PHKB: variants seen among roughly 807,000 people sequenced by gnomAD.
PHKB encodes phosphorylase kinase regulatory subunit beta, also known as phosphorylase b kinase regulatory subunit beta.
A neutral mutation model predicts 152.1 loss-of-function variants in PHKB; 122 were observed. That is an observed-to-expected ratio of 0.80 (90% confidence interval 0.69 to 0.93). The LOEUF (loss-of-function observed/expected upper bound fraction) is 0.93, where lower values mean the gene tolerates loss of function less well. Among genes scored for constraint, PHKB ranks in the 40% least tolerant of loss-of-function variants. The pLI is 0.00. For missense variants in PHKB, 1,304 were observed against 1,328.4 expected (o/e 0.98, Z 0.29); for synonymous variants, 436 against 464.9 (o/e 0.94, Z 0.80).
At chr16:47,682,986 A>G (rs1312523354) in intron 26 of PHKB, among the ~76,000 whole-genome samples, 2 of 152,254 alleles carry the variant, frequency 1.3e-5, no homozygotes, top group Non-Finnish European at 2.9e-5. Flanking sequence ...TCTAACAGAC[A>G]GGACCCTCAG....
At chr16:47,689,326 C>A in intron 27 of PHKB, 151 bp downstream of exon 27, 2 of 717,932 alleles carry the variant, frequency 2.8e-6, no homozygotes, top group Non-Finnish European at 4.9e-6. Flanking sequence ...AAAGTGTAAA[C>A]AGAAAGACCA....
At chr16:47,499,730 A>G in intron 2 of PHKB, 26 bp from the exon 3 acceptor site, 4 of 1,613,984 alleles carry the variant, frequency 2.5e-6, no homozygotes, top group Non-Finnish European at 3.4e-6. Flanking sequence ...TGTACAGTTC[A>G]TTCTTTGTCT....
At chr16:47,653,901 G>A (rs1973284315) in intron 20 of PHKB, among the ~76,000 whole-genome samples, 4 of 152,102 alleles carry the variant, frequency 2.6e-5, no homozygotes, top group Admixed American at 1.3e-4. Context: ...ATATGGTTAA[G>A]GACAAAAATC....
intron 14 of PHKB, among the ~76,000 whole-genome samples, chr16:47,635,954 A>G (rs963593453): frequency 2.0e-5 from 3 of 152,254 alleles, no homozygotes; most frequent in Non-Finnish European, 4.4e-5. Flanking sequence ...TGCTATAGAA[A>G]TGCAAAGAAA....
intron 18 of PHKB, among the ~76,000 whole-genome samples, 162 bp from the exon 19 acceptor site, chr16:47,650,382 C>G (rs1973214022): frequency 6.6e-6 from 1 of 152,164 alleles, no homozygotes; most frequent in African/African-American, 2.4e-5. Flanking sequence ...CCCAGAGAAC[C>G]TGCTAGAGTA....
chr16:47,682,355 T>G (rs549486655), intron 26 of PHKB, among the ~76,000 whole-genome samples: 1 of 152,306 alleles, frequency 6.6e-6, no homozygotes, highest in East Asian at 1.9e-4. Flanking sequence ...TCCCTCAGAG[T>G]GTTTTCCAAC....
intron 3 of PHKB, among the ~76,000 whole-genome samples, chr16:47,500,700 T>TA (rs76863473): frequency 8.5e-4 from 122 of 143,930 alleles, no homozygotes; most frequent in South Asian, 7.2e-3. Flanking sequence ...TGTATAAAGT[T>TA]AAAAAAAAAA....
chr16:47,519,002 A>G (rs1199194450), intron 6 of PHKB, among the ~76,000 whole-genome samples: 1 of 152,198 alleles, frequency 6.6e-6, no homozygotes, highest in Non-Finnish European at 1.5e-5. Flanking sequence ...TACCCCCTCA[A>G]ATTTGTATAA....
chr16:47,677,762 A>G (rs904619416), intron 26 of PHKB, among the ~76,000 whole-genome samples: 1 of 151,764 alleles, frequency 6.6e-6, no homozygotes, highest in African/African-American at 2.4e-5. Flanking sequence ...AATGCACAAA[A>G]TCATCTAATT....
chr16:47,499,865 T>C lies in PHKB; in HGVS notation c.276T>C (p.Ala92=). 6.2e-7 allele frequency: 1 copy of C among 1,614,162 alleles called. No homozygotes were observed. Among genetic ancestry groups the C allele is most frequent in the Non-Finnish European group, 8.5e-7 (1 of 1,180,024 alleles). ...TCCAGGACAGCCTATACTGCGCTGC[T>C]GGGGCCTGGGCTTTGGCTCTTGCAT... The part of the protein sequence containing the change: ...AKIQDSLYCA[A]GAWALALAYR... Residue 92 remains alanine, a synonymous_variant, in exon 3 of 31, where the codon GCT becomes GCC. Transcript: ENST00000323584.
At chr16:47,599,750 A>G (rs1427185058) in intron 13 of PHKB, among the ~76,000 whole-genome samples, 1 of 152,252 alleles carries the variant, frequency 6.6e-6, no homozygotes, top group Non-Finnish European at 1.5e-5. Context: ...ATGAAACCAC[A>G]TACATATCTC....
At chr16:47,526,633 G>GA (rs1008191418) in intron 6 of PHKB, among the ~76,000 whole-genome samples, 26 of 147,964 alleles carry the variant, frequency 1.8e-4, no homozygotes, top group East Asian at 1.6e-3. Flanking sequence ...AAAGCAAAAA[G>GA]AAAAAAAAAT....
At chr16:47,580,041 C>G (rs967025934) in intron 7 of PHKB, among the ~76,000 whole-genome samples, 1 of 152,052 alleles carries the variant, frequency 6.6e-6, no homozygotes, top group South Asian at 2.1e-4. Context: ...ATTAAAACTA[C>G]TCCCATCAAT....
intron 20 of PHKB, among the ~76,000 whole-genome samples, chr16:47,659,772 C>T (rs1973405160): frequency 6.6e-6 from 1 of 152,192 alleles, no homozygotes; most frequent in Non-Finnish European, 1.5e-5. Context: ...AAATACATTA[C>T]AGTAGCAGAA....
chr16:47,502,978 C>G lies in PHKB; in HGVS notation c.306-13C>G. On this transcript the variant is annotated splice_polypyrimidine_tract_variant and intron_variant, in intron 3 of 30. Transcript: ENST00000323584. ...ATTTCCAATTAGTTTCATGAGTTAT[C>G]TCTCTCACCCAGGCGAATTGATGAT... 6.4e-7 allele frequency: 1 copy of G among 1,570,280 alleles called. No homozygotes were observed. The highest frequency in any genetic ancestry group is 8.8e-7 in the Non-Finnish European group (1 of 1,140,132).
chr16:47,543,975 T>A (rs368280517), intron 6 of PHKB, among the ~76,000 whole-genome samples: 4 of 152,180 alleles, frequency 2.6e-5, no homozygotes, highest in African/African-American at 9.7e-5. Flanking sequence ...GATTCTTCTC[T>A]CTTTTCTTCT....
intron 10 of PHKB, among the ~76,000 whole-genome samples, chr16:47,592,217 C>T (rs1167274224): frequency 1.3e-5 from 2 of 152,228 alleles, no homozygotes; most frequent in Non-Finnish European, 2.9e-5. Context: ...CCCTACAACT[C>T]TCTTCGGTAT....
intron 20 of PHKB, among the ~76,000 whole-genome samples, chr16:47,659,988 C>T (rs922607654): frequency 5.9e-5 from 9 of 152,082 alleles, no homozygotes; most frequent in East Asian, 1.9e-4. Flanking sequence ...CTCAGCCTCC[C>T]GAGTAGCTGG....
chr16:47,559,704 G>A (rs564395952), intron 7 of PHKB, among the ~76,000 whole-genome samples: 1 of 152,254 alleles, frequency 6.6e-6, no homozygotes, highest in Non-Finnish European at 1.5e-5. Flanking sequence ...GGTGGGAGCT[G>A]TTTTCCTGTC....
Sources: gnomAD v4.1 joint callset for allele counts (sites outside exome capture counted in the v4.1 genomes callset) on GRCh38, gnomAD v4.1.1 for gene constraint, MANE v1.5 for transcripts, NCBI Gene and HGNC (gene_info 2026-07-23, HGNC 2026-07-21) for gene names.